ADAMTS2: variants seen among roughly 807,000 people sequenced by gnomAD.
ADAMTS2 encodes the protein ADAM metallopeptidase with thrombospondin type 1 motif 2.
ADAMTS2 carries 50 observed loss-of-function variants against 123.0 expected under a neutral mutation model. The observed-to-expected ratio is 0.41, with a 90% confidence interval of 0.32 to 0.51. The LOEUF is 0.51. Among genes scored for constraint, ADAMTS2 ranks in the 20% least tolerant of loss-of-function variants. ADAMTS2 has a pLI of 0.35. For synonymous variants in ADAMTS2, 678 were observed against 695.4 expected (o/e 0.98, Z 0.39); for missense variants, 1,494 against 1,705.2 (o/e 0.88, Z 2.18).
intron 21 of ADAMTS2, chr5:179,120,554 G>A (rs1395937510): frequency 6.6e-6 from 1 of 152,372 alleles, no homozygotes; most frequent in African/African-American, 2.4e-5. Flanking sequence ...CGGCAGGGGT[G>A]CGGTGTGAAC....
Position 179,206,960 on chromosome 5 carries a change from C to T in ADAMTS2, c.891+553G>A, listed in dbSNP as rs184269453. Among the ~76,000 whole-genome samples the T allele has an allele frequency of 2.2e-3, 334 of 152,264 alleles. 1 individual carries two copies. The highest frequency in any genetic ancestry group is 2.7e-3 in the South Asian group (13 of 4,818). ...AAGGAATTCCCTCCCCAATTCCTCC[C>T]ACTGCGAGCTTTAAGGAGGGGCCCT... On this transcript the variant is annotated intron_variant, in intron 4 of 21. Transcript: ENST00000251582.
intron 3 of ADAMTS2, among the ~76,000 whole-genome samples, chr5:179,223,512 G>A (rs943101551): frequency 4.7e-5 from 3 of 63,692 alleles, no homozygotes; most frequent in East Asian, 2.0e-3. Context: ...ACACTCATAC[G>A]AATGCACTCA....
chr5:179,245,786 A>AAAC lies in ADAMTS2; in HGVS notation c.688+27124_688+27125insGTT, dbSNP rs1561628545. 1.5e-3 allele frequency among the ~76,000 whole-genome samples: 204 copies of AAAC among 135,742 alleles called. 10 individuals carry two copies. The highest frequency in any genetic ancestry group is 5.4e-3 in the African/African-American group (197 of 36,272). The allele number at this position is 135,742 out of a possible 152,430, so 89.1% of individuals were successfully genotyped here. ...GTCTCAAAAAAAAAAAAAAAAAAAA[A>AAAC]AAAAAAAAACAAAAAAAACAAAGAT... is the stretch of plus-strand genomic sequence containing the variant. On this transcript the variant is annotated intron_variant, in intron 3 of 21. Coordinates refer to ENST00000251582, the MANE Select transcript of ADAMTS2 (RefSeq NM_014244.5).
intron 2 of ADAMTS2, among the ~76,000 whole-genome samples, chr5:179,302,974 T>G (rs1468456516): frequency 8.3e-6 from 1 of 120,868 alleles, no homozygotes; most frequent in Non-Finnish European, 1.8e-5. Flanking sequence ...CTGGGTGGGG[T>G]ACAGGAGGGC....
chr5:179,343,750 G>C lies in ADAMTS2; in HGVS notation c.534+17C>G, dbSNP rs747023353. The C allele has an allele frequency of 5.0e-6, 8 of 1,607,634 alleles. No individual in the cohort carries two copies. Among genetic ancestry groups the C allele is most frequent in the African/African-American group, 2.7e-5 (2 of 74,878 alleles). On this transcript the variant is annotated intron_variant, in intron 2 of 21. Transcript: ENST00000251582. Reference sequence around the variant, plus strand: ...GAGAGCAGCGGAGAGAAAGGAGCTAGAGAAGTGCGTACTCACCAGCCCATC... The same window carrying C: ...GAGAGCAGCGGAGAGAAAGGAGCTACAGAAGTGCGTACTCACCAGCCCATC...
At chr5:179,292,123 T>C (rs546700870) in intron 2 of ADAMTS2, among the ~76,000 whole-genome samples, 6 of 151,520 alleles carry the variant, frequency 4.0e-5, no homozygotes, top group African/African-American at 9.7e-5. Context: ...TCCACATTGG[T>C]GGTCATCATT....
At chr5:179,282,872 G>A (rs575699606) in intron 2 of ADAMTS2, among the ~76,000 whole-genome samples, 54 of 152,196 alleles carry the variant, frequency 3.5e-4, no homozygotes, top group African/African-American at 1.2e-3. Context: ...TCAGGAGATT[G>A]AGACCATCCT....
intron 2 of ADAMTS2, among the ~76,000 whole-genome samples, chr5:179,299,486 A>C (rs921980814): frequency 2.1e-5 from 3 of 145,614 alleles, no homozygotes; most frequent in South Asian, 2.3e-4. Context: ...CCAAGATCAC[A>C]CCACAGCACT....
intron 6 of ADAMTS2, among the ~76,000 whole-genome samples, chr5:179,157,918 A>C (rs2113262538): frequency 6.6e-6 from 1 of 151,940 alleles, no homozygotes; most frequent in Non-Finnish European, 1.5e-5. Context: ...GAAATGTGCT[A>C]CTATTTATCA....
intron 4 of ADAMTS2, among the ~76,000 whole-genome samples, chr5:179,206,408 G>A (rs1477851254): frequency 5.3e-5 from 8 of 152,172 alleles, no homozygotes; most frequent in Non-Finnish European, 1.5e-5. Flanking sequence ...GAGCAGACCT[G>A]CACACCCTGC....
At chr5:179,232,301 A>G (rs1314121034) in intron 3 of ADAMTS2, among the ~76,000 whole-genome samples, 1 of 152,238 alleles carries the variant, frequency 6.6e-6, no homozygotes, top group African/African-American at 2.4e-5. Flanking sequence ...GATCCCTGAC[A>G]GACAGAAACA....
intron 3 of ADAMTS2, among the ~76,000 whole-genome samples, chr5:179,241,121 A>G (rs981858908): frequency 1.3e-5 from 2 of 152,214 alleles, no homozygotes; most frequent in African/African-American, 2.4e-5. Context: ...CTGGAGAACA[A>G]TGATTCAAGA....
At chr5:179,140,120 G>A (rs1763138020) in intron 10 of ADAMTS2, 85 bp from the exon 11 acceptor site, 2 of 1,596,696 alleles carry the variant, frequency 1.3e-6, no homozygotes, top group Non-Finnish European at 1.7e-6. Context: ...GCAGTGTCTG[G>A]GACACGTCCT....
chr5:179,327,906 T>A (rs1757356099), intron 2 of ADAMTS2, among the ~76,000 whole-genome samples: 1 of 151,462 alleles, frequency 6.6e-6, no homozygotes, highest in African/African-American at 2.4e-5. Flanking sequence ...CCCAAAAACA[T>A]CCAAAAAAAG....
At chr5:179,142,172 C>T (rs1433289229) in intron 10 of ADAMTS2, among the ~76,000 whole-genome samples, 1 of 152,154 alleles carries the variant, frequency 6.6e-6, no homozygotes, top group African/African-American at 2.4e-5. Context: ...TGTCTAAGGG[C>T]ACTGTCAAAA....
intron 21 of ADAMTS2, among the ~76,000 whole-genome samples, chr5:179,114,536 A>T (rs774322125): frequency 6.6e-6 from 1 of 152,188 alleles, no homozygotes; most frequent in Non-Finnish European, 1.5e-5. Context: ...GTGCTGACAC[A>T]CAAGCTGTGA....
At chr5:179,336,059 A>G (rs1405437437) in intron 2 of ADAMTS2, among the ~76,000 whole-genome samples, 1 of 152,254 alleles carries the variant, frequency 6.6e-6, no homozygotes, top group African/African-American at 2.4e-5. Context: ...ACCCAGGTTT[A>G]AAGATGAATC....
At chr5:179,258,850 C>A (rs1035093183) in intron 3 of ADAMTS2, among the ~76,000 whole-genome samples, 2 of 152,124 alleles carry the variant, frequency 1.3e-5, no homozygotes, top group Non-Finnish European at 2.9e-5. Context: ...TACGGTTCTG[C>A]CAGGCAAGGA....
intron 4 of ADAMTS2, among the ~76,000 whole-genome samples, chr5:179,205,707 G>A (rs762707786): frequency 2.6e-5 from 4 of 152,102 alleles, no homozygotes; most frequent in Non-Finnish European, 5.9e-5. Flanking sequence ...GCATGGGCCC[G>A]GCACAGTCAC....
Sources: allele counts gnomAD v4.1 joint callset (sites outside exome capture counted in the v4.1 genomes callset), GRCh38; gene constraint gnomAD v4.1.1; transcripts MANE v1.5; gene names NCBI Gene and HGNC (gene_info 2026-07-23, HGNC 2026-07-21).